Variants in ACTR3 observed in about 807,000 individuals in gnomAD.
ACTR3 encodes the protein actin-related protein 3.
ACTR3 carries 12 observed loss-of-function variants against 56.8 expected under a neutral mutation model. The observed-to-expected ratio is 0.21, with a 90% CI of 0.14 to 0.34. The LOEUF (loss-of-function observed/expected upper bound fraction) is 0.34. Ranked by LOEUF, ACTR3 falls within the 10% of genes least tolerant of loss-of-function variation. The probability of loss-of-function intolerance (pLI) is 1.00; values close to 1 mark genes in which losing one functional copy is unlikely to be tolerated. For missense variants in ACTR3, 282 were observed against 512.5 expected, an observed-to-expected ratio of 0.55 and a Z score of 4.34; for synonymous variants, 162 against 167.4, an observed-to-expected ratio of 0.97 and a Z score of 0.25.
intron 1 of ACTR3, among the ~76,000 whole-genome samples, chr2:113,908,941 TAAGTA>T (rs1379022799): frequency 6.6e-6 from 1 of 152,190 alleles, no homozygotes; most frequent in Non-Finnish European, 1.5e-5. Context: ...CTTATGAAGT[TAAGTA>T]AACTGTGATA....
chr2:113,955,196 T>C (rs147231865), intron 10 of ACTR3: 1 of 152,928 alleles, frequency 6.5e-6, no homozygotes, highest in Non-Finnish European at 1.5e-5. Context: ...AGATTCAAAA[T>C]ACTATGCTCA....
Position 113,957,538 on chromosome 2 carries a change from T to C in ACTR3, c.*83T>C. On this transcript the variant is annotated 3_prime_UTR_variant, in exon 12 of 12. Transcript: ENST00000263238. ...ACCTGTTTTGTCTGGATGGCTGGTT[T>C]TGAGGTTTTAAACCTGACTTGAAAT... 3 of 1,147,326 alleles carry C rather than the reference T, an allele frequency of 2.6e-6. No homozygotes were observed. The Admixed American group carries it at 5.3e-5, about 20-fold the overall frequency. 71.1% of individuals were successfully genotyped at this position (1,147,326 alleles called of 1,614,324 possible).
intron 8 of ACTR3, among the ~76,000 whole-genome samples, chr2:113,945,414 G>T (rs1679998111): frequency 6.6e-6 from 1 of 152,042 alleles, no homozygotes; most frequent in Non-Finnish European, 1.5e-5. Flanking sequence ...GTCACTGTTA[G>T]TGGTTTAAAT....
chr2:113,949,901 A>G (rs1186661632), intron 8 of ACTR3, among the ~76,000 whole-genome samples: 1 of 152,120 alleles, frequency 6.6e-6, no homozygotes. Context: ...TAGTTTTTTA[A>G]AAAGTATGTT....
At chr2:113,948,902 A>G (rs965037949) in intron 8 of ACTR3, among the ~76,000 whole-genome samples, 3 of 151,486 alleles carry the variant, frequency 2.0e-5, no homozygotes, top group Non-Finnish European at 4.4e-5. Flanking sequence ...CTTTACTATC[A>G]TTCTAGGGAT....
chr2:113,934,063 A>G (rs1679775665), intron 5 of ACTR3: 2 of 490,254 alleles, frequency 4.1e-6, no homozygotes, highest in East Asian at 4.1e-5. Context: ...TCCTAAAAGC[A>G]AATGTAAACC....
chr2:113,946,251 G>A (rs1680017978), intron 8 of ACTR3, among the ~76,000 whole-genome samples: 1 of 152,120 alleles, frequency 6.6e-6, no homozygotes, highest in Non-Finnish European at 1.5e-5. Context: ...TATACACCAA[G>A]AGAGTATAAG....
At chr2:113,934,089 A>G in intron 5 of ACTR3, 190 bp from the exon 6 acceptor site, 1 of 536,782 alleles carries the variant, frequency 1.9e-6, no homozygotes, top group Non-Finnish European at 3.2e-6. Flanking sequence ...GTTTGTCTTA[A>G]TAAAATGTAG....
intron 8 of ACTR3, among the ~76,000 whole-genome samples, chr2:113,949,878 T>G (rs1164819960): frequency 6.6e-6 from 1 of 152,182 alleles, no homozygotes; most frequent in Non-Finnish European, 1.5e-5. Flanking sequence ...TTGTTTTTTG[T>G]TTTTGTTTAA....
At position 113,959,059 on chromosome 2, in the gene ACTR3, T is replaced by C. The variant is rs931482648; in HGVS notation, c.*1604T>C. ...TCATCATCAGTATCAAAGGTCTCCT[T>C]TTTTTACTTGGAAAAGTAATTCACA... On this transcript the variant is annotated 3_prime_UTR_variant, in exon 12 of 12. Coordinates refer to ENST00000263238, the MANE Select transcript of ACTR3 (RefSeq NM_005721.5). 3 of 151,964 alleles carry C rather than the reference T, an allele frequency of 2.0e-5. No homozygotes were observed. Among genetic ancestry groups the C allele is most frequent in the African/African-American group, 7.2e-5 (3 of 41,404 alleles). The allele number at this position is 151,964 out of a possible 1,614,324, so 9.4% of individuals were successfully genotyped here. A position where few individuals can be genotyped will look rare whatever the true frequency, so the allele number is the denominator to read the frequency against.
chr2:113,958,984 C>T lies in ACTR3; in HGVS notation c.*1529C>T, dbSNP rs968324320. On this transcript the variant is annotated 3_prime_UTR_variant, in exon 12 of 12. Transcript: ENST00000263238. ...TCCTATAATAATTTTTGTGAATCTTCATTCTTTGAGTATGGGATTGTAAAA... is the reference window on the plus strand; with the variant it reads ...TCCTATAATAATTTTTGTGAATCTTTATTCTTTGAGTATGGGATTGTAAAA... 7 of 151,964 alleles carry T rather than the reference C, an allele frequency of 4.6e-5. No homozygotes were observed. The highest frequency in any genetic ancestry group is 2.6e-4 in the Admixed American group (4 of 15,250). 9.4% of individuals were successfully genotyped at this position (151,964 alleles called of 1,614,324 possible). A position where few individuals can be genotyped will look rare whatever the true frequency, so the allele number is the denominator to read the frequency against.
At position 113,908,251 on chromosome 2, in the gene ACTR3, GTTTTTTT is replaced by G. The variant is rs200328609; in HGVS notation, c.45-4912_45-4906del. On this transcript the variant is annotated intron_variant, in intron 1 of 11. Coordinates refer to ENST00000263238, the MANE Select transcript of ACTR3 (RefSeq NM_005721.5). Reference sequence around the variant, plus strand: ...GTCAAATGCCAATTAGCTGTTAGCAGTTTTTTTTTTTTTTTGTCAAAGAAAAAGCGAG... The same window carrying G: ...GTCAAATGCCAATTAGCTGTTAGCAGTTTTTTTTGTCAAAGAAAAAGCGAG... Among the ~76,000 whole-genome samples, 5 of 136,684 alleles carry G rather than the reference GTTTTTTT, an allele frequency of 3.7e-5. No individual in the cohort carries two copies. The South Asian group carries it at 1.1e-3, about 31-fold the overall frequency. The allele number at this position is 136,684 out of a possible 152,430, so 89.7% of individuals were successfully genotyped here. A position where few individuals can be genotyped will look rare whatever the true frequency, so the allele number is the denominator to read the frequency against.
rs1680242449 is a variant in ACTR3, at chr2:113,957,715, CCT to C, written c.*261_*262del. The stretch of plus-strand genomic sequence containing the variant: ...AAGTGGGTTTTAGTTCTTTCTGTGC[CCT>C]GATATTTTGTATATTAATGAATTAT... On this transcript the variant is annotated 3_prime_UTR_variant, in exon 12 of 12. Coordinates refer to ENST00000263238, the MANE Select transcript of ACTR3 (RefSeq NM_005721.5). 2.6e-6 allele frequency: 1 copy of C among 382,060 alleles called. No homozygotes were observed. Among genetic ancestry groups the C allele is most frequent in the African/African-American group, 2.0e-5 (1 of 49,662 alleles). 23.7% of individuals were successfully genotyped at this position (382,060 alleles called of 1,614,324 possible).
Position 113,928,768 on chromosome 2 carries a change from G to T in ACTR3, c.336+1313G>T, listed in dbSNP as rs529358237. Among the ~76,000 whole-genome samples, 6 of 152,096 alleles carry T rather than the reference G, an allele frequency of 3.9e-5. No individual in the cohort carries two copies. The East Asian group carries it at 7.7e-4, about 20-fold the overall frequency. On this transcript the variant is annotated intron_variant, in intron 4 of 11. Transcript: ENST00000263238. ...ACCTGCAGGATGCATGATGTGATTTGTCCAATCTTTGTCAGTTACATACAT... is the reference window on the plus strand; with the variant it reads ...ACCTGCAGGATGCATGATGTGATTTTTCCAATCTTTGTCAGTTACATACAT...
chr2:113,897,174 A>G (rs766377023), intron 1 of ACTR3, among the ~76,000 whole-genome samples: 3 of 152,156 alleles, frequency 2.0e-5, no homozygotes, highest in African/African-American at 4.8e-5. Context: ...CAAACACGAC[A>G]TTTATGAATT....
At chr2:113,901,195 G>A (rs1225353023) in intron 1 of ACTR3, among the ~76,000 whole-genome samples, 1 of 152,208 alleles carries the variant, frequency 6.6e-6, no homozygotes, top group Non-Finnish European at 1.5e-5. Flanking sequence ...GCGTGTGCCT[G>A]TAATCCCAGC....
chr2:113,921,047 A>G (rs1468933275), intron 3 of ACTR3, among the ~76,000 whole-genome samples: 2 of 152,140 alleles, frequency 1.3e-5, no homozygotes, highest in Non-Finnish European at 2.9e-5. Flanking sequence ...CCTCTGTACT[A>G]TGCTTTATAG....
At chr2:113,931,249 G>A in intron 4 of ACTR3, 52 bp from the exon 5 acceptor site, 2 of 1,121,266 alleles carry the variant, frequency 1.8e-6, no homozygotes, top group East Asian at 2.8e-5. Context: ...TGTCAAGAAA[G>A]TTATCAAAAT....
chr2:113,916,699 G>T (rs955205767), intron 2 of ACTR3, among the ~76,000 whole-genome samples, 185 bp from the exon 3 acceptor site: 8 of 152,148 alleles, frequency 5.3e-5, no homozygotes, highest in Non-Finnish European at 1.2e-4. Flanking sequence ...AGTGGAAGTT[G>T]AGGTTTCGTT....
Sources: allele counts gnomAD v4.1 joint callset (sites outside exome capture counted in the v4.1 genomes callset), GRCh38; gene constraint gnomAD v4.1.1; transcripts MANE v1.5; gene names NCBI Gene and HGNC (gene_info 2026-07-23, HGNC 2026-07-21).